Variants in EXT1 observed in about 807,000 individuals in gnomAD.
EXT1 encodes exostosin-1.
In EXT1, 20 loss-of-function variants were observed where a neutral mutation model predicts 82.5. The ratio of observed to expected loss-of-function variants is 0.24; its 90% CI spans 0.17 to 0.35. The LOEUF (loss-of-function observed/expected upper bound fraction) is 0.35. Among genes scored for constraint, EXT1 ranks in the 10% least tolerant of loss-of-function variants. The probability of loss-of-function intolerance (pLI) is 1.00; values close to 1 mark genes in which losing one functional copy is unlikely to be tolerated. For synonymous variants in EXT1, 348 were observed against 350.8 expected, an observed-to-expected ratio of 0.99 and a Z score of 0.09; for missense variants, 757 against 936.5, an observed-to-expected ratio of 0.81 and a Z score of 2.50.
chr8:117,902,595 C>T (rs533807892), intron 1 of EXT1, among the ~76,000 whole-genome samples: 52 of 152,232 alleles, frequency 3.4e-4, no homozygotes, highest in African/African-American at 1.1e-3. Flanking sequence ...AATTAGCTCA[C>T]ACCAGCACTT....
intron 1 of EXT1, among the ~76,000 whole-genome samples, chr8:117,840,921 G>A (rs770129398): frequency 2.6e-5 from 4 of 152,176 alleles, no homozygotes; most frequent in Non-Finnish European, 5.9e-5. Flanking sequence ...GAGAGCAAGT[G>A]CTGATGAGGA....
intron 1 of EXT1, among the ~76,000 whole-genome samples, chr8:117,912,556 C>G (rs1012820451): frequency 6.6e-6 from 1 of 152,172 alleles, no homozygotes; most frequent in South Asian, 2.1e-4. Flanking sequence ...GGGATGCAGG[C>G]TTCCTAACTT....
At chr8:117,908,467 T>C (rs1307420563) in intron 1 of EXT1, among the ~76,000 whole-genome samples, 1 of 150,538 alleles carries the variant, frequency 6.6e-6, no homozygotes, top group Non-Finnish European at 1.5e-5. Flanking sequence ...CCACCTCTAC[T>C]AAAAATACAA....
intron 1 of EXT1, among the ~76,000 whole-genome samples, chr8:118,018,309 C>A (rs1016886306): frequency 6.6e-6 from 1 of 152,068 alleles, no homozygotes; most frequent in Non-Finnish European, 1.5e-5. Flanking sequence ...ATTGGAAAAA[C>A]ACACACACAT....
intron 7 of EXT1, among the ~76,000 whole-genome samples, chr8:117,817,952 A>C (rs1811853364): frequency 6.6e-6 from 1 of 152,222 alleles, no homozygotes; most frequent in Admixed American, 6.5e-5. Flanking sequence ...GCAGATGCCA[A>C]ACAAAATTAA....
chr8:117,837,461 ACAATTTGGTTTG>A (rs1812206254), intron 1 of EXT1, among the ~76,000 whole-genome samples: 1 of 152,186 alleles, frequency 6.6e-6, no homozygotes, highest in African/African-American at 2.4e-5. Context: ...CGTTCTGGCA[ACAATTTGGTTTG>A]CCCAGTCTTT....
intron 1 of EXT1, among the ~76,000 whole-genome samples, chr8:117,921,275 G>A (rs567234496): frequency 6.6e-5 from 10 of 152,166 alleles, no homozygotes; most frequent in African/African-American, 2.4e-4. Flanking sequence ...CTTTTATCTG[G>A]GGATCCTCAA....
In EXT1 at chr8:117,797,619, C is replaced by G. The variant is rs1172885787; in HGVS notation, c.*2093G>C. The G allele has an allele frequency of 6.6e-6, 1 of 152,124 alleles. No individual in the cohort carries two copies. The highest frequency in any genetic ancestry group is 1.9e-4 in the East Asian group (1 of 5,200). 9.4% of individuals were successfully genotyped at this position (152,124 alleles called of 1,614,324 possible). ...AATCCTGAAAAAAATAATTTAAATA[C>G]AAATTCACAAAGGCCAAATGAATAA... On this transcript the variant is annotated 3_prime_UTR_variant, in exon 11 of 11. Coordinates refer to ENST00000378204, the MANE Select transcript of EXT1 (RefSeq NM_000127.3).
chr8:118,029,402 G>A (rs1294781582), intron 1 of EXT1, among the ~76,000 whole-genome samples: 1 of 152,180 alleles, frequency 6.6e-6, no homozygotes, highest in Non-Finnish European at 1.5e-5. Flanking sequence ...CAGCCTGGGT[G>A]ACAGTGAGAC....
chr8:117,841,741 C>T (rs1812278259), intron 1 of EXT1, among the ~76,000 whole-genome samples: 1 of 151,778 alleles, frequency 6.6e-6, no homozygotes, highest in Non-Finnish European at 1.5e-5. Context: ...TTAACCTAGA[C>T]ACTAGTACCA....
chr8:117,827,135 T>C (rs938524015), intron 4 of EXT1, among the ~76,000 whole-genome samples: 1 of 152,114 alleles, frequency 6.6e-6, no homozygotes, highest in South Asian at 2.1e-4. Context: ...GCTTGTGAGA[T>C]TCTAGGTGGA....
chr8:117,860,878 T>G (rs919548604), intron 1 of EXT1, among the ~76,000 whole-genome samples: 1 of 152,232 alleles, frequency 6.6e-6, no homozygotes, highest in Admixed American at 6.5e-5. Context: ...GGTCTACAGG[T>G]AAAGGGGCTA....
intron 1 of EXT1, among the ~76,000 whole-genome samples, chr8:118,039,331 G>A (rs546836890): frequency 1.3e-5 from 2 of 152,220 alleles, no homozygotes; most frequent in Non-Finnish European, 2.9e-5. Context: ...AGGCCAAGGC[G>A]GGCAGATCAC....
chr8:118,057,433 A>G (rs930470745), intron 1 of EXT1, among the ~76,000 whole-genome samples: 1 of 152,066 alleles, frequency 6.6e-6, no homozygotes, highest in Non-Finnish European at 1.5e-5. Flanking sequence ...CCAGCGACTC[A>G]GAGGGCTGAG....
In EXT1 at chr8:117,822,512, T is replaced by C. The variant is rs756607210; in HGVS notation, c.1370A>G (p.Gln457Arg). Residue 457 changes from glutamine to arginine, a missense_variant, in exon 5 of 11, where the codon CAG becomes CGG. By Grantham distance (43) the Gln-to-Arg change is conservative (BLOSUM62 1). This residue lies in a region of EXT1 where 207 missense variants were observed against 224.2 expected (regional missense o/e 0.92). Coordinates refer to ENST00000378204, the MANE Select transcript of EXT1 (RefSeq NM_000127.3). ...KHPGGLFVLP[Q>R]YSSYLGDFPY... The stretch of plus-strand genomic sequence containing the variant: ...AAAATCTCCCAGATAAGATGAATAC[T>C]GTGGTAGTACGAACAATCCTCCAGG... The C allele has an allele frequency of 1.2e-6, 2 of 1,613,556 alleles. No homozygotes were observed. Among genetic ancestry groups the C allele is most frequent in the South Asian group, 1.1e-5 (1 of 91,084 alleles).
intron 1 of EXT1, among the ~76,000 whole-genome samples, chr8:117,865,009 T>G (rs1410908493): frequency 6.6e-6 from 1 of 152,134 alleles, no homozygotes; most frequent in African/African-American, 2.4e-5. Context: ...CATCAGAAAT[T>G]AATTACCATG....
chr8:117,963,490 AT>A (rs1389724264), intron 1 of EXT1, among the ~76,000 whole-genome samples: 1 of 151,478 alleles, frequency 6.6e-6, no homozygotes, highest in Non-Finnish European at 1.5e-5. Flanking sequence ...GTGGTTTTTC[AT>A]TTTTTTATTT....
intron 1 of EXT1, among the ~76,000 whole-genome samples, chr8:118,063,485 G>A (rs1455937880): frequency 6.6e-6 from 1 of 152,220 alleles, no homozygotes; most frequent in Non-Finnish European, 1.5e-5. Flanking sequence ...TCACAGTCTG[G>A]ACAGAGGTGA....
intron 1 of EXT1, among the ~76,000 whole-genome samples, chr8:118,041,255 T>C (rs1200073060): frequency 2.6e-5 from 4 of 152,150 alleles, no homozygotes; most frequent in East Asian, 1.9e-4. Context: ...AAAGCAGAGA[T>C]GGTGCAGGGT....
Sources: allele counts gnomAD v4.1 joint callset (sites outside exome capture counted in the v4.1 genomes callset), GRCh38; gene constraint gnomAD v4.1.1; regional missense constraint gnomAD v4.1.1; transcripts MANE v1.5; gene names NCBI Gene and HGNC (gene_info 2026-07-23, HGNC 2026-07-21).